The following CEP44 variants were observed in gnomAD, a reference collection of about 807,000 sequenced individuals.
CEP44 encodes the protein centrosomal protein of 44 kDa.
A neutral mutation model predicts 46.7 loss-of-function variants in CEP44; 45 were observed. The observed-to-expected ratio is 0.96, with a 90% CI of 0.76 to 1.24. The LOEUF (loss-of-function observed/expected upper bound fraction) is 1.24, where lower values mean the gene tolerates loss of function less well. Ranked by LOEUF, CEP44 falls within the 50% of genes most tolerant of loss-of-function variation. The pLI is 0.00. For missense variants in CEP44, 475 were observed against 459.7 expected (o/e 1.03, Z -0.30); for synonymous variants, 142 against 146.0 (o/e 0.97, Z 0.20).
chr4:174,290,002 C>T lies in CEP44; in HGVS notation c.-148+6059C>T, dbSNP rs557008172. ...TCCCAAGTAGGTGGGACTAGAGCCA[C>T]GCACCACCATGCTCAGCTAATTTTT... On this transcript the variant is annotated intron_variant, in intron 1 of 11. Transcript: ENST00000503780. The surrounding 1 kb of genome is among the most constrained non-coding windows in gnomAD (Gnocchi z 4.3). 1.1e-4 allele frequency among the ~76,000 whole-genome samples: 17 copies of T among 152,036 alleles called. No individual in the cohort carries two copies. The South Asian group carries it at 1.5e-3, about 13-fold the overall frequency.
chr4:174,324,792 TC>T (rs1742551961), downstream of CEP44, among the ~76,000 whole-genome samples: 1 of 152,100 alleles, frequency 6.6e-6, no homozygotes, highest in Non-Finnish European at 1.5e-5. Context: ...GTGAAATTGT[TC>T]CAAGAAACCA....
In CEP44 at chr4:174,326,251, T is replaced by C. The variant is rs191960997; in HGVS notation, c.1087-5231T>C. Among the ~76,000 whole-genome samples the C allele has an allele frequency of 5.5e-4, 83 of 151,904 alleles. No individual in the cohort carries two copies. The highest frequency in any genetic ancestry group is 2.0e-3 in the African/African-American group (82 of 41,500). ...GTGTGTGTGTGTCTGTGTGTGTGTC[T>C]GTGTGTTTGCTCCAAGATTTGTAGT... is the stretch of plus-strand genomic sequence containing the variant. On this transcript the variant is annotated intron_variant, in intron 8 of 8. Coordinates refer to the CEP44 transcript ENST00000426172. This position sits in a 1 kb window ranked among gnomAD's most constrained non-coding sequence, Gnocchi z 4.8.
rs1741029838 is a variant in CEP44, at chr4:174,311,096, AT to A, written c.961+242del. Among the ~76,000 whole-genome samples the A allele has an allele frequency of 6.6e-6, 1 of 151,998 alleles. No homozygotes were observed. Among genetic ancestry groups the A allele is most frequent in the Non-Finnish European group, 1.5e-5 (1 of 67,884 alleles). ...TACAAAATTGAAAATTTTTAGAGATATTTTACTGTTTTAATCATTCGAGAAT... is the reference window on the plus strand; with the variant it reads ...TACAAAATTGAAAATTTTTAGAGATATTTACTGTTTTAATCATTCGAGAAT... On this transcript the variant is annotated intron_variant, in intron 9 of 11. Coordinates refer to ENST00000503780, the MANE Select transcript of CEP44 (RefSeq NM_001040157.3). The surrounding 1 kb of genome is among the most constrained non-coding windows in gnomAD (Gnocchi z 4.4).
At chr4:174,298,808 A>G (rs936871047) in intron 2 of CEP44, among the ~76,000 whole-genome samples, 6 of 152,166 alleles carry the variant, frequency 3.9e-5, no homozygotes, top group Non-Finnish European at 7.3e-5. Flanking sequence ...CAAGTGTTAT[A>G]TAAGATACAT....
Position 174,303,853 on chromosome 4 carries a change from AT to A in CEP44, c.384+8del. On this transcript the variant is annotated splice_donor_5th_base_variant and intron_variant, in intron 5 of 11. Transcript: ENST00000503780. ...GGAATTAAGCAGTCTTCAGAAGGTA[AT>A]TTTATGAATAGATATTAATGCTGAT... 6.6e-7 allele frequency: 1 copy of A among 1,517,846 alleles called. No individual in the cohort carries two copies. The highest frequency in any genetic ancestry group is 1.4e-5 in the African/African-American group (1 of 72,916). 94.0% of individuals were successfully genotyped at this position (1,517,846 alleles called of 1,614,324 possible).
Position 174,310,823 on chromosome 4 carries a change from A to G in CEP44, c.926A>G (p.Tyr309Cys), listed in dbSNP as rs755377344. 2.6e-6 allele frequency: 4 copies of G among 1,528,410 alleles called. No individual in the cohort carries two copies. Among genetic ancestry groups the G allele is most frequent in the Middle Eastern group, 1.7e-4 (1 of 5,882 alleles). 94.7% of individuals were successfully genotyped at this position (1,528,410 alleles called of 1,614,324 possible). ...FIEFNEVSEDYASCSDMDLLN... is the reference protein window; with the variant it reads ...FIEFNEVSEDCASCSDMDLLN... ...GAGTTTAATGAAGTTAGTGAAGACTACGCTTCTTGTAGTGACATGGACCTT... is the reference window on the plus strand; with the variant it reads ...GAGTTTAATGAAGTTAGTGAAGACTGCGCTTCTTGTAGTGACATGGACCTT... The change falls in exon 9 of 12, where the codon TAC (tyrosine) becomes TGC (cysteine). Residue 309 changes from tyrosine to cysteine, a missense_variant. Physicochemically the swap from Tyr to Cys is radical, Grantham distance 194 (BLOSUM62 -2). Coordinates refer to ENST00000503780, the MANE Select transcript of CEP44 (RefSeq NM_001040157.3). The surrounding 1 kb of genome is among the most constrained non-coding windows in gnomAD (Gnocchi z 4.2).
At chr4:174,291,943 A>G (rs930926709) in intron 1 of CEP44, among the ~76,000 whole-genome samples, 62 of 150,178 alleles carry the variant, frequency 4.1e-4, no homozygotes, top group African/African-American at 1.3e-3. Context: ...GGCATGCACC[A>G]CCATGACTGG....
chr4:174,303,813 G>A lies in CEP44; in HGVS notation c.348G>A (p.Val116=). ...IQIVCDILNC[V]MKKHKELSSL... ...TTGTTTGTGATATTTTGAATTGTGT[G>A]ATGAAAAAGCACAAGGAATTAAGCA... The change falls in exon 5 of 12, where the codon GTG becomes GTA. Residue 116 remains valine, a synonymous_variant. Coordinates refer to ENST00000503780, the MANE Select transcript of CEP44 (RefSeq NM_001040157.3). The A allele has an allele frequency of 1.3e-6, 2 of 1,570,984 alleles. No homozygotes were observed. The highest frequency in any genetic ancestry group is 1.2e-5 in the South Asian group (1 of 86,158).
In CEP44 at chr4:174,311,440, A is replaced by G. The variant is rs966425213; in HGVS notation, c.961+582A>G. ...GTTTTGATTGTTATGTATTTTTAAA[A>G]GATCTAAATTTTGTGCCATATCTAT... On this transcript the variant is annotated intron_variant, in intron 9 of 11. Coordinates refer to ENST00000503780, the MANE Select transcript of CEP44 (RefSeq NM_001040157.3). This position sits in a 1 kb window ranked among gnomAD's most constrained non-coding sequence, Gnocchi z 4.4. 3.3e-5 allele frequency among the ~76,000 whole-genome samples: 5 copies of G among 152,220 alleles called. No homozygotes were observed. In the East Asian group the frequency reaches 9.7e-4, roughly 29 times the overall value.
rs1741468606 is a variant in CEP44 at position 174,314,764 on chromosome 4, A to C, written c.962-1402A>C. On this transcript the variant is annotated intron_variant, in intron 9 of 11. Coordinates refer to ENST00000503780, the MANE Select transcript of CEP44 (RefSeq NM_001040157.3). This position sits in a 1 kb window ranked among gnomAD's most constrained non-coding sequence, Gnocchi z 4.1. ...GCCTAATTTCAAATTATTTCTTAAA[A>C]TAACCTCTTGTCCATAGCTCCTACT... Among the ~76,000 whole-genome samples, 1 of 152,246 alleles carries C rather than the reference A, an allele frequency of 6.6e-6. No individual in the cohort carries two copies. Among genetic ancestry groups the C allele is most frequent in the African/African-American group, 2.4e-5 (1 of 41,458 alleles).
chr4:174,326,109 T>G lies in CEP44; in HGVS notation c.1087-5373T>G, dbSNP rs914278926. On this transcript the variant is annotated intron_variant, in intron 8 of 8. Coordinates refer to the CEP44 transcript ENST00000426172. This position sits in a 1 kb window ranked among gnomAD's most constrained non-coding sequence, Gnocchi z 4.8. ...CCACCTTCTTATATTTGTTTTCTGT[T>G]TTTATCATTTGTTCTTAGCTGCTTT... Among the ~76,000 whole-genome samples, 18 of 152,220 alleles carry G rather than the reference T, an allele frequency of 1.2e-4. No individual in the cohort carries two copies. Among genetic ancestry groups the G allele is most frequent in the African/African-American group, 4.3e-4 (18 of 41,562 alleles).
In CEP44 at chr4:174,310,194, CCT is replaced by C. The variant is rs1432260685; in HGVS notation, c.885+139_885+140del. The C allele has an allele frequency of 6.4e-6, 5 of 775,258 alleles. No individual in the cohort carries two copies. Among genetic ancestry groups the C allele is most frequent in the Non-Finnish European group, 1.0e-5 (5 of 499,492 alleles). 48.0% of individuals were successfully genotyped at this position (775,258 alleles called of 1,614,324 possible). On this transcript the variant is annotated intron_variant, in intron 8 of 11. Coordinates refer to ENST00000503780, the MANE Select transcript of CEP44 (RefSeq NM_001040157.3). This position sits in a 1 kb window ranked among gnomAD's most constrained non-coding sequence, Gnocchi z 4.2. ...AGAAAATGTCTAGTTAGAATGAAGT[CCT>C]GTTTAAATATAGCCTGTATGTTGTT...
chr4:174,291,560 A>G (rs1366255386), intron 1 of CEP44, among the ~76,000 whole-genome samples: 1 of 152,070 alleles, frequency 6.6e-6, no homozygotes, highest in Non-Finnish European at 1.5e-5. Context: ...TTTACGTGCC[A>G]CAGATTTCAG....
Position 174,310,950 on chromosome 4 carries a change from AG to A in CEP44, c.961+93del, listed in dbSNP as rs1244757508. On this transcript the variant is annotated intron_variant, in intron 9 of 11. Coordinates refer to ENST00000503780, the MANE Select transcript of CEP44 (RefSeq NM_001040157.3). This position sits in a 1 kb window ranked among gnomAD's most constrained non-coding sequence, Gnocchi z 4.2. ...TTAATATTCTTAAGCTTTATTGTTTAGAAATTGCAAAGCTCCTAGAACAAAG... is the reference window on the plus strand; with the variant it reads ...TTAATATTCTTAAGCTTTATTGTTTAAAATTGCAAAGCTCCTAGAACAAAG... The A allele has an allele frequency of 1.6e-6, 1 of 630,950 alleles. No individual in the cohort carries two copies. Among genetic ancestry groups the A allele is most frequent in the Non-Finnish European group, 2.7e-6 (1 of 368,204 alleles). 39.1% of individuals were successfully genotyped at this position (630,950 alleles called of 1,614,324 possible).
At position 174,314,774 on chromosome 4, in the gene CEP44, G is replaced by C. The variant is rs545329953; in HGVS notation, c.962-1392G>C. 6.6e-6 allele frequency among the ~76,000 whole-genome samples: 1 copy of C among 152,248 alleles called. No homozygotes were observed. The highest frequency in any genetic ancestry group is 2.4e-5 in the African/African-American group (1 of 41,522). On this transcript the variant is annotated intron_variant, in intron 9 of 11. Transcript: ENST00000503780. The surrounding 1 kb of genome is among the most constrained non-coding windows in gnomAD (Gnocchi z 4.1). ...AAATTATTTCTTAAAATAACCTCTT[G>C]TCCATAGCTCCTACTAAAAGATCTG...
At chr4:174,296,274 G>GT (rs1206073117) in intron 1 of CEP44, among the ~76,000 whole-genome samples, 40 of 152,026 alleles carry the variant, frequency 2.6e-4, no homozygotes, top group African/African-American at 9.7e-4. Context: ...TGTGAGTTTT[G>GT]TTTCACTTCT....
In CEP44 at chr4:174,331,833, C is replaced by T. The variant is rs771673200; in HGVS notation, c.*238C>T. On this transcript the variant is annotated 3_prime_UTR_variant, in exon 9 of 9. Coordinates refer to the CEP44 transcript ENST00000426172. This position sits in a 1 kb window ranked among gnomAD's most constrained non-coding sequence, Gnocchi z 4.5. Reference sequence around the variant, plus strand: ...CAAAATGTCTGCTGATAGCCCCTCACTCATATTTTTCATGTGGGTTTATAG... The same window carrying T: ...CAAAATGTCTGCTGATAGCCCCTCATTCATATTTTTCATGTGGGTTTATAG... 4.7e-6 allele frequency: 2 copies of T among 424,570 alleles called. No homozygotes were observed. The highest frequency in any genetic ancestry group is 4.1e-6 in the Non-Finnish European group (1 of 246,842). The allele number at this position is 424,570 out of a possible 1,614,324, so 26.3% of individuals were successfully genotyped here. A position where few individuals can be genotyped will look rare whatever the true frequency, so the allele number is the denominator to read the frequency against.
At chr4:174,285,324 GTAA>G (rs1737459447) in intron 1 of CEP44, 1 of 152,150 alleles carries the variant, frequency 6.6e-6, no homozygotes, top group Non-Finnish European at 1.5e-5. Context: ...AGTAGACTTA[GTAA>G]AGCCCTTTGT....
At chr4:174,292,226 A>G (rs571525347) in intron 1 of CEP44, among the ~76,000 whole-genome samples, 17 of 152,166 alleles carry the variant, frequency 1.1e-4, no homozygotes, top group African/African-American at 4.1e-4. Context: ...AAATTCACCA[A>G]TACCTTTATG....
Sources: allele counts gnomAD v4.1 joint callset (sites outside exome capture counted in the v4.1 genomes callset), GRCh38; gene constraint gnomAD v4.1.1; non-coding constraint Gnocchi (gnomAD v3.1); transcripts MANE v1.5; gene names NCBI Gene and HGNC (gene_info 2026-07-23, HGNC 2026-07-21).